Variants in FERMT1 observed in about 807,000 individuals in gnomAD.
FERMT1 encodes the protein FERM domain containing kindlin 1.
Under a neutral mutation model 85.3 loss-of-function variants are expected in FERMT1, and 60 were observed. That is an observed-to-expected ratio of 0.70 (90% CI 0.57 to 0.87). The LOEUF (loss-of-function observed/expected upper bound fraction) is 0.87. Ranked by LOEUF, FERMT1 falls within the 40% of genes least tolerant of loss-of-function variation. The pLI, the probability that FERMT1 is intolerant of heterozygous loss-of-function variation, is 0.00. For synonymous variants in FERMT1, 275 were observed against 301.1 expected, an observed-to-expected ratio of 0.91 and a Z score of 0.90; for missense variants, 701 against 818.9, an observed-to-expected ratio of 0.86 and a Z score of 1.76.
At chr20:6,081,336 A>C (rs1204088001) in intron 13 of FERMT1, among the ~76,000 whole-genome samples, 2 of 152,088 alleles carry the variant, frequency 1.3e-5, no homozygotes, top group African/African-American at 4.8e-5. Flanking sequence ...AAGATGAGAA[A>C]GAACCAGCCA....
At chr20:6,116,274 C>T (rs1019183236) in intron 2 of FERMT1, among the ~76,000 whole-genome samples, 1 of 152,010 alleles carries the variant, frequency 6.6e-6, no homozygotes, top group African/African-American at 2.4e-5. Flanking sequence ...ATGTAGATGA[C>T]AGGGTTGATG....
At chr20:6,086,951 A>G (rs891838731) in intron 11 of FERMT1, among the ~76,000 whole-genome samples, 4 of 151,996 alleles carry the variant, frequency 2.6e-5, no homozygotes, top group African/African-American at 9.7e-5. Context: ...GCCATCCACA[A>G]CCTTCGCCAT....
Position 6,076,138 on chromosome 20 carries a change from G to A in FERMT1, c.*1035C>T, listed in dbSNP as rs578179571. 122 of 221,272 alleles carry A rather than the reference G, an allele frequency of 5.5e-4. 1 individual carries two copies. Among genetic ancestry groups the A allele is most frequent in the Admixed American group, 1.1e-3 (21 of 18,906 alleles). The allele number at this position is 221,272 out of a possible 1,614,324, so 13.7% of individuals were successfully genotyped here. A position where few individuals can be genotyped will look rare whatever the true frequency, so the allele number is the denominator to read the frequency against. Reference sequence around the variant, plus strand: ...CAAATCCAGGAGAACACAGACCAGCGATAAGAGGGACGCTTCCCCATGACC... The same window carrying A: ...CAAATCCAGGAGAACACAGACCAGCAATAAGAGGGACGCTTCCCCATGACC... On this transcript the variant is annotated 3_prime_UTR_variant, in exon 15 of 15. Transcript: ENST00000217289.
intron 5 of FERMT1, among the ~76,000 whole-genome samples, chr20:6,109,150 A>T (rs6085406): frequency 1.3e-5 from 2 of 151,970 alleles, no homozygotes; most frequent in African/African-American, 4.8e-5. Flanking sequence ...TGACCAACAC[A>T]AAATCACCAT....
chr20:6,097,143 C>T lies in FERMT1; in HGVS notation c.958-110G>A, dbSNP rs1341495773. The T allele has an allele frequency of 3.7e-6, 4 of 1,084,588 alleles. No individual in the cohort carries two copies. In the African/African-American group the frequency reaches 6.2e-5, roughly 17 times the overall value. 67.2% of individuals were successfully genotyped at this position (1,084,588 alleles called of 1,614,324 possible). A position where few individuals can be genotyped will look rare whatever the true frequency, so the allele number is the denominator to read the frequency against. On this transcript the variant is annotated intron_variant, in intron 7 of 14. Coordinates refer to ENST00000217289, the MANE Select transcript of FERMT1 (RefSeq NM_017671.5). The stretch of plus-strand genomic sequence containing the variant: ...AGGACTATTCCCTTGGAATACTGAA[C>T]ATCTCCTAAACAGAGGTCTCCTTCC...
In FERMT1 at chr20:6,119,529, A is replaced by G. The variant is rs761144951; in HGVS notation, c.26T>C (p.Phe9Ser). The change falls in exon 2 of 15, where the codon TTT (phenylalanine) becomes TCT (serine). Residue 9 changes from phenylalanine (F) to serine (S), a missense_variant. Physicochemically the swap from Phe to Ser is radical, Grantham distance 155. Transcript: ENST00000217289. MLSSTDFT[F>S]ASWELVVRVD... ...GCGGACCACAAGCTCCCAGGAAGCA[A>G]ATGTAAAGTCAGTGGATGACAGCAT... The G allele has an allele frequency of 6.2e-7, 1 of 1,614,156 alleles. No homozygotes were observed.
Position 6,084,080 on chromosome 20 carries a change from G to T in FERMT1, c.1678C>A (p.Gln560Lys). The stretch of plus-strand genomic sequence containing the variant: ...GTGAGGCCAAACTCAGGCAGTGACT[G>T]CCACGCCTGGATGAACCGCAGCTTG... ...EAKLRFIQAW[Q>K]SLPEFGLTYY... is the part of the protein sequence containing the mutation. The change falls in exon 13 of 15, where the codon CAG (glutamine) becomes AAG (lysine). Residue 560 changes from glutamine (Q) to lysine (K), a missense_variant. Gln to Lys is a moderately conservative substitution (Grantham distance 53, BLOSUM62 1). Transcript: ENST00000217289. 2 of 1,614,090 alleles carry T rather than the reference G, an allele frequency of 1.2e-6. No individual in the cohort carries two copies. The highest frequency in any genetic ancestry group is 1.7e-6 in the Non-Finnish European group (2 of 1,180,010).
chr20:6,109,736 C>A (rs543529656), intron 5 of FERMT1, among the ~76,000 whole-genome samples: 247 of 152,020 alleles, frequency 1.6e-3, no homozygotes, highest in Non-Finnish European at 2.8e-3. Context: ...CCAATCTCTA[C>A]TAAAAAAATA....
Position 6,094,977 on chromosome 20 carries a change from AG to A in FERMT1, c.1100del (p.Thr367MetfsTer35). The A allele has an allele frequency of 6.5e-7, 1 of 1,540,464 alleles. No individual in the cohort carries two copies. The highest frequency in any genetic ancestry group is 1.1e-5 in the South Asian group (1 of 89,540). ...GKADSLLEDI[T>X]DIPKLADNLK... ...GATTATCTGCAAGTTTAGGGATATC[AG>A]TAATGTCCTCCTAAGAAAAAACAAA... On this transcript the variant is annotated frameshift_variant, in exon 9 of 15. Transcript: ENST00000217289. LOFTEE classifies it high-confidence loss of function.
rs570725946 is a variant in FERMT1, at chr20:6,118,108, T to C, written c.151+1296A>G. 5.2e-4 allele frequency among the ~76,000 whole-genome samples: 79 copies of C among 152,372 alleles called. No homozygotes were observed. In the Middle Eastern group the frequency reaches 0.02, roughly 39 times the overall value. Reference sequence around the variant, plus strand: ...AGACAGGTGTTACAGCAGCTTTTTCTGTAAGTGCATGAAAATGTAAACAAC... The same window carrying C: ...AGACAGGTGTTACAGCAGCTTTTTCCGTAAGTGCATGAAAATGTAAACAAC... On this transcript the variant is annotated intron_variant, in intron 2 of 14. Coordinates refer to ENST00000217289, the MANE Select transcript of FERMT1 (RefSeq NM_017671.5).
intron 11 of FERMT1, among the ~76,000 whole-genome samples, chr20:6,085,905 C>A (rs947989497): frequency 6.6e-6 from 1 of 151,432 alleles, no homozygotes; most frequent in African/African-American, 2.4e-5. Flanking sequence ...CTTTGGGAGG[C>A]CGAGGCGGGT....
intron 6 of FERMT1, among the ~76,000 whole-genome samples, chr20:6,102,819 C>T (rs544802492): frequency 6.6e-6 from 1 of 152,070 alleles, no homozygotes; most frequent in Non-Finnish European, 1.5e-5. Context: ...CCTCCACCCT[C>T]GTCCATCATT....
At chr20:6,121,266 C>T (rs60793868) in intron 1 of FERMT1, among the ~76,000 whole-genome samples, 10,817 of 152,210 alleles carry the variant, frequency 0.071, 966 homozygotes, top group East Asian at 0.46. Flanking sequence ...AGATTACAGG[C>T]GTGTGCCACC....
At position 6,077,092 on chromosome 20, in the gene FERMT1, T is replaced by C. The variant is rs976462823; in HGVS notation, c.*81A>G. ...GTTGTCTGTTAGTCCAGAATCTACA[T>C]GCTGGGCACGTTAGGGATCCCTCTG... On this transcript the variant is annotated 3_prime_UTR_variant, in exon 15 of 15. Coordinates refer to ENST00000217289, the MANE Select transcript of FERMT1 (RefSeq NM_017671.5). 3.6e-6 allele frequency: 5 copies of C among 1,390,956 alleles called. No individual in the cohort carries two copies. The Admixed American group carries it at 5.0e-5, about 14-fold the overall frequency. 86.2% of individuals were successfully genotyped at this position (1,390,956 alleles called of 1,614,324 possible).
Position 6,076,833 on chromosome 20 carries a change from C to A in FERMT1, c.*340G>T, listed in dbSNP as rs1981836882. 5.0e-6 allele frequency: 2 copies of A among 402,904 alleles called. No individual in the cohort carries two copies. Among genetic ancestry groups the A allele is most frequent in the Non-Finnish European group, 9.3e-6 (2 of 214,704 alleles). 25.0% of individuals were successfully genotyped at this position (402,904 alleles called of 1,614,324 possible). A position where few individuals can be genotyped will look rare whatever the true frequency, so the allele number is the denominator to read the frequency against. Reference sequence around the variant, plus strand: ...CCATTGACTTAGTAATGAGACAGATCAGCACGAGGATAACTTGTAGCCATA... The same window carrying A: ...CCATTGACTTAGTAATGAGACAGATAAGCACGAGGATAACTTGTAGCCATA... On this transcript the variant is annotated 3_prime_UTR_variant, in exon 15 of 15. Coordinates refer to ENST00000217289, the MANE Select transcript of FERMT1 (RefSeq NM_017671.5).
intron 14 of FERMT1, among the ~76,000 whole-genome samples, chr20:6,079,114 T>C (rs1332809344): frequency 1.3e-5 from 2 of 152,228 alleles, no homozygotes; most frequent in Admixed American, 6.5e-5. Context: ...CATAAGTAAG[T>C]ATCAAGCTAA....
intron 11 of FERMT1, among the ~76,000 whole-genome samples, chr20:6,085,761 A>C (rs1286661202): frequency 6.6e-6 from 1 of 151,758 alleles, no homozygotes; most frequent in African/African-American, 2.4e-5. Context: ...GAAGCAGGAG[A>C]TCCCTTGAAC....
chr20:6,106,233 A>G (rs1600442530), intron 6 of FERMT1, among the ~76,000 whole-genome samples: 1 of 152,198 alleles, frequency 6.6e-6, no homozygotes, highest in South Asian at 2.1e-4. Context: ...AGCTTGGTCC[A>G]CAGGATAAAA....
chr20:6,078,652 T>TTG (rs1555798775), intron 14 of FERMT1, among the ~76,000 whole-genome samples: 10 of 148,906 alleles, frequency 6.7e-5, no homozygotes, highest in East Asian at 6.0e-4. Context: ...TTTTGTTTTT[T>TTG]TTTTTTTTAA....
Sources: allele counts gnomAD v4.1 joint callset (sites outside exome capture counted in the v4.1 genomes callset), GRCh38; gene constraint gnomAD v4.1.1; transcripts MANE v1.5; gene names NCBI Gene and HGNC (gene_info 2026-07-23, HGNC 2026-07-21).